PTPRD: variants seen among roughly 807,000 people sequenced by gnomAD.
PTPRD encodes receptor-type tyrosine-protein phosphatase delta.
In PTPRD, 34 loss-of-function variants were observed where a neutral mutation model predicts 214.5. The observed-to-expected ratio is 0.16, with a 90% CI of 0.12 to 0.21. The LOEUF (loss-of-function observed/expected upper bound fraction) is 0.21, where lower values mean the gene tolerates loss of function less well. Ranked by LOEUF, PTPRD falls within the 10% of genes least tolerant of loss-of-function variation. PTPRD has a pLI of 1.00. For synonymous variants in PTPRD, 1,128 were observed against 845.7 expected (o/e 1.33, Z -5.79); for missense variants, 2,545 against 2,398.7 (o/e 1.06, Z -1.27).
intron 8 of PTPRD, among the ~76,000 whole-genome samples, chr9:9,479,634 T>C (rs2095310493): frequency 6.6e-6 from 1 of 152,126 alleles, no homozygotes; most frequent in South Asian, 2.1e-4. Flanking sequence ...ATACCATTCT[T>C]CCAAATAACA....
intron 3 of PTPRD, among the ~76,000 whole-genome samples, chr9:10,219,341 G>A (rs1021910796): frequency 3.3e-5 from 5 of 151,876 alleles, no homozygotes; most frequent in Non-Finnish European, 7.4e-5. Flanking sequence ...AGTAAATACT[G>A]CTCCACACCT....
intron 7 of PTPRD, among the ~76,000 whole-genome samples, chr9:9,603,362 C>T (rs893960557): frequency 6.6e-6 from 1 of 152,064 alleles, no homozygotes; most frequent in African/African-American, 2.4e-5. Context: ...GTTTAAGTAC[C>T]AGCTTTGAGA....
At chr9:9,920,901 A>G (rs1036005287) in intron 5 of PTPRD, among the ~76,000 whole-genome samples, 5 of 152,130 alleles carry the variant, frequency 3.3e-5, no homozygotes, top group Non-Finnish European at 5.9e-5. Context: ...AGGATTTAAG[A>G]TAGAAGATCA....
Position 8,839,326 on chromosome 9 carries a change from T to G in PTPRD, c.-103-105380A>C, listed in dbSNP as rs566241080. 5.1e-3 allele frequency among the ~76,000 whole-genome samples: 782 copies of G among 151,868 alleles called. 7 individuals are homozygous for G. The highest frequency in any genetic ancestry group is 0.024 in the Middle Eastern group (7 of 292). On this transcript the variant is annotated intron_variant, in intron 11 of 45. Coordinates refer to ENST00000381196, the MANE Select transcript of PTPRD (RefSeq NM_002839.4). ...TTTATTTATTTATTTATTTATTTAT[T>G]TATTTATTTATTTATTTGAGATGGA...
At chr9:8,479,095 C>A (rs928185295) in intron 30 of PTPRD, among the ~76,000 whole-genome samples, 2 of 152,328 alleles carry the variant, frequency 1.3e-5, no homozygotes, top group Non-Finnish European at 2.9e-5. Context: ...AAAGCTACAA[C>A]CTTTCCTAAT....
intron 2 of PTPRD, among the ~76,000 whole-genome samples, chr9:10,391,494 T>C (rs1454517152): frequency 6.6e-6 from 1 of 151,780 alleles, no homozygotes; most frequent in African/African-American, 2.4e-5. Flanking sequence ...ACTAGGGCAG[T>C]TCCTGTCTGT....
intron 9 of PTPRD, among the ~76,000 whole-genome samples, chr9:9,276,499 T>C (rs1945702785): frequency 6.6e-6 from 1 of 151,270 alleles, no homozygotes; most frequent in Non-Finnish European, 1.5e-5. Flanking sequence ...TCTAGATCAA[T>C]TGAGAGACAA....
chr9:10,534,733 A>G (rs1239904200), intron 2 of PTPRD, among the ~76,000 whole-genome samples: 1 of 152,170 alleles, frequency 6.6e-6, no homozygotes, highest in African/African-American at 2.4e-5. Context: ...AAAGCAGATT[A>G]CTTTTAATTT....
chr9:9,883,960 T>C (rs1408787107), intron 5 of PTPRD, among the ~76,000 whole-genome samples: 1 of 152,164 alleles, frequency 6.6e-6, no homozygotes, highest in Non-Finnish European at 1.5e-5. Flanking sequence ...GTATTTGACA[T>C]TTCTTCCTTT....
chr9:10,569,929 T>C (rs1004094498), intron 2 of PTPRD, among the ~76,000 whole-genome samples: 2 of 152,144 alleles, frequency 1.3e-5, no homozygotes, highest in Admixed American at 1.3e-4. Context: ...ATATACTCAA[T>C]GTCTTGCTCT....
In PTPRD at chr9:10,223,136, T is replaced by C. The variant is rs1452532708; in HGVS notation, c.-545+117827A>G. ...GTTTCTTTTTGTTTTGTTCCTTCTT[T>C]TCCTCATGCATTTTCCTAATGTGTC... On this transcript the variant is annotated intron_variant, in intron 3 of 45. Transcript: ENST00000381196. 2.6e-5 allele frequency among the ~76,000 whole-genome samples: 4 copies of C among 151,996 alleles called. No individual in the cohort carries two copies. The East Asian group carries it at 5.8e-4, about 22-fold the overall frequency.
At chr9:9,463,567 T>C (rs2093864854) in intron 8 of PTPRD, among the ~76,000 whole-genome samples, 1 of 152,168 alleles carries the variant, frequency 6.6e-6, no homozygotes, top group African/African-American at 2.4e-5. Flanking sequence ...CTACTTCCTT[T>C]AATTTCTAAG....
chr9:9,401,906 G>C (rs111627793), intron 8 of PTPRD, among the ~76,000 whole-genome samples: 1 of 151,934 alleles, frequency 6.6e-6, no homozygotes, highest in Non-Finnish European at 1.5e-5. Flanking sequence ...CGCCATTATT[G>C]TAAGTTTCCT....
At chr9:9,329,014 CT>C (rs978090291) in intron 9 of PTPRD, among the ~76,000 whole-genome samples, 1 of 151,912 alleles carries the variant, frequency 6.6e-6, no homozygotes, top group South Asian at 2.1e-4. Context: ...GAGGAGAACA[CT>C]TTTTTTCTTT....
chr9:9,110,688 T>A (rs1457460997), intron 10 of PTPRD, among the ~76,000 whole-genome samples: 1 of 152,098 alleles, frequency 6.6e-6, no homozygotes, highest in East Asian at 1.9e-4. Flanking sequence ...TATCCTCTTA[T>A]CTCCCTGCCC....
In PTPRD at chr9:8,769,141, G is replaced by A. The variant is rs916000847; in HGVS notation, c.-103-35195C>T. Among the ~76,000 whole-genome samples, 9 of 152,250 alleles carry A rather than the reference G, an allele frequency of 5.9e-5. No individual in the cohort carries two copies. The East Asian group carries it at 1.5e-3, about 26-fold the overall frequency. Reference sequence around the variant, plus strand: ...TGGAAATATTTTTATATATTTAAATGTGCAGCATGAAGAAAAACTAATAAA... The same window carrying A: ...TGGAAATATTTTTATATATTTAAATATGCAGCATGAAGAAAAACTAATAAA... On this transcript the variant is annotated intron_variant, in intron 11 of 45. Coordinates refer to ENST00000381196, the MANE Select transcript of PTPRD (RefSeq NM_002839.4).
At chr9:8,845,258 G>A (rs997987627) in intron 11 of PTPRD, among the ~76,000 whole-genome samples, 2 of 152,082 alleles carry the variant, frequency 1.3e-5, no homozygotes, top group Admixed American at 6.5e-5. Context: ...TTTTGAAAAA[G>A]TTTGCAAGGC....
chr9:10,367,821 T>C (rs542568985), intron 2 of PTPRD, among the ~76,000 whole-genome samples: 10 of 152,120 alleles, frequency 6.6e-5, no homozygotes, highest in Admixed American at 2.6e-4. Flanking sequence ...AATGCTTGAT[T>C]GGAACTTGTA....
chr9:9,739,830 T>C (rs141214115), intron 6 of PTPRD, among the ~76,000 whole-genome samples: 86 of 152,212 alleles, frequency 5.7e-4, no homozygotes, highest in African/African-American at 1.6e-3. Context: ...CATATATATA[T>C]ATATGTGTGT....
Sources: allele counts gnomAD v4.1 joint callset (sites outside exome capture counted in the v4.1 genomes callset), GRCh38; gene constraint gnomAD v4.1.1; transcripts MANE v1.5; gene names NCBI Gene and HGNC (gene_info 2026-07-23, HGNC 2026-07-21).